Variants in ARHGAP24 observed in about 807,000 individuals in gnomAD.
ARHGAP24 encodes Rho GTPase activating protein 24.
Under a neutral mutation model 76.4 loss-of-function variants are expected in ARHGAP24, and 50 were observed. The ratio of observed to expected loss-of-function variants is 0.65; its 90% confidence interval spans 0.52 to 0.83. ARHGAP24 has a LOEUF of 0.83. ARHGAP24 is among the 40% of genes least tolerant of loss of function. ARHGAP24 has a pLI of 0.00. For synonymous variants in ARHGAP24, 345 were observed against 323.3 expected (o/e 1.07, Z -0.72); for missense variants, 930 against 914.2 (o/e 1.02, Z -0.22).
At chr4:85,553,594 A>G (rs1033303242) in intron 1 of ARHGAP24, among the ~76,000 whole-genome samples, 2 of 152,088 alleles carry the variant, frequency 1.3e-5, no homozygotes, top group African/African-American at 4.8e-5. Flanking sequence ...GTGCATTTAC[A>G]AACCTTTAGC....
intron 3 of ARHGAP24, among the ~76,000 whole-genome samples, chr4:85,799,289 A>C (rs1003072893): frequency 6.6e-6 from 1 of 152,112 alleles, no homozygotes; most frequent in Admixed American, 6.5e-5. Context: ...CACCTTGTGT[A>C]CCAGATTTTA....
At chr4:85,737,208 AC>A (rs1189425548) in intron 3 of ARHGAP24, among the ~76,000 whole-genome samples, 1 of 151,934 alleles carries the variant, frequency 6.6e-6, no homozygotes, top group Non-Finnish European at 1.5e-5. Context: ...GTCATAAGTG[AC>A]CCCTCTCCCC....
At chr4:85,623,328 T>C (rs1394731515) in intron 2 of ARHGAP24, among the ~76,000 whole-genome samples, 1 of 152,220 alleles carries the variant, frequency 6.6e-6, no homozygotes, top group Non-Finnish European at 1.5e-5. Flanking sequence ...TAGCCAGTTT[T>C]CCCAGCACCA....
intron 2 of ARHGAP24, among the ~76,000 whole-genome samples, chr4:85,652,506 A>G (rs1352942233): frequency 6.6e-6 from 1 of 152,198 alleles, no homozygotes; most frequent in Non-Finnish European, 1.5e-5. Flanking sequence ...TTTGACCCAG[A>G]CAAACATTTT....
intron 3 of ARHGAP24, among the ~76,000 whole-genome samples, chr4:85,868,343 C>T (rs1298407791): frequency 6.6e-6 from 1 of 152,042 alleles, no homozygotes; most frequent in Non-Finnish European, 1.5e-5. Flanking sequence ...ATAGATGGCA[C>T]ATGTTTTCTA....
At chr4:85,972,259 T>A (rs1483128197) in intron 6 of ARHGAP24, 91 bp downstream of exon 6, 4 of 1,538,958 alleles carry the variant, frequency 2.6e-6, no homozygotes, top group Non-Finnish European at 2.7e-6. Context: ...CATTGCCCTA[T>A]CCCGGTGTTA....
chr4:85,828,020 G>A (rs1399586049), intron 3 of ARHGAP24: 1 of 1,256,312 alleles, frequency 8.0e-7, no homozygotes, highest in South Asian at 1.2e-5. Flanking sequence ...CAAATTGCCA[G>A]GTATTGTTGT....
In ARHGAP24 at chr4:85,829,992, G is replaced by A. The variant is rs28421282; in HGVS notation, c.269-93656G>A. ...TTAGAGAATTTAGGTACTGACCTCA[G>A]AGCACATGCCAGTCTGTTCAAACAC... On this transcript the variant is annotated intron_variant, in intron 3 of 9. Transcript: ENST00000395184. Among the ~76,000 whole-genome samples, 1,501 of 152,336 alleles carry A rather than the reference G, an allele frequency of 9.9e-3. 22 individuals are homozygous for A. The highest frequency in any genetic ancestry group is 0.034 in the African/African-American group (1,412 of 41,562).
At chr4:85,573,036 C>T (rs1459192715) in intron 2 of ARHGAP24, among the ~76,000 whole-genome samples, 1 of 151,694 alleles carries the variant, frequency 6.6e-6, no homozygotes, top group Non-Finnish European at 1.5e-5. Context: ...GCCACCACAC[C>T]CGGCTAATTT....
intron 3 of ARHGAP24, among the ~76,000 whole-genome samples, chr4:85,842,217 T>C (rs1730635516): frequency 1.3e-5 from 2 of 152,208 alleles, no homozygotes; most frequent in South Asian, 4.1e-4. Context: ...AAGTAGTAGA[T>C]GGGAGTTTAA....
At chr4:85,938,799 C>T (rs1015828058) in intron 4 of ARHGAP24, among the ~76,000 whole-genome samples, 1 of 151,940 alleles carries the variant, frequency 6.6e-6, no homozygotes, top group African/African-American at 2.4e-5. Context: ...GGGCAGCATG[C>T]TCATTGAAGC....
intron 3 of ARHGAP24, among the ~76,000 whole-genome samples, chr4:85,921,712 C>T (rs997578980): frequency 3.9e-5 from 6 of 152,132 alleles, no homozygotes; most frequent in Admixed American, 1.3e-4. Flanking sequence ...CTGGGCCCCA[C>T]AGTAGGAGGT....
At chr4:85,910,819 C>T (rs1848917) in intron 3 of ARHGAP24, among the ~76,000 whole-genome samples, 45,394 of 151,882 alleles carry the variant, frequency 0.3, 6,930 homozygotes, top group South Asian at 0.43. Context: ...CACAAGTTCC[C>T]ACTCCTGTCC....
At chr4:85,519,586 G>C (rs997105375) in intron 1 of ARHGAP24, among the ~76,000 whole-genome samples, 5 of 152,068 alleles carry the variant, frequency 3.3e-5, no homozygotes, top group African/African-American at 1.2e-4. Context: ...CATAAAATTA[G>C]ATCTCAACAA....
intron 3 of ARHGAP24, among the ~76,000 whole-genome samples, chr4:85,878,436 T>C (rs1733056978): frequency 6.6e-6 from 1 of 152,210 alleles, no homozygotes; most frequent in African/African-American, 2.4e-5. Flanking sequence ...TTTTTAGTGT[T>C]ACAATTAATA....
At chr4:85,941,568 A>G (rs1431237889) in intron 4 of ARHGAP24, among the ~76,000 whole-genome samples, 1 of 152,230 alleles carries the variant, frequency 6.6e-6, no homozygotes, top group Non-Finnish European at 1.5e-5. Context: ...TCCTGGTTTT[A>G]TCACCATGAT....
At chr4:85,583,901 C>A (rs1727726192) in intron 2 of ARHGAP24, among the ~76,000 whole-genome samples, 1 of 103,836 alleles carries the variant, frequency 9.6e-6, no homozygotes, top group South Asian at 4.9e-4. Flanking sequence ...GATACCATCT[C>A]ACACCAGTTA....
At chr4:85,619,144 T>C (rs1264537095) in intron 2 of ARHGAP24, among the ~76,000 whole-genome samples, 1 of 152,090 alleles carries the variant, frequency 6.6e-6, no homozygotes, top group Admixed American at 6.5e-5. Flanking sequence ...TTTTTGTATA[T>C]AGTGTAAGAT....
At chr4:85,958,721 A>AT (rs1738066212) in intron 5 of ARHGAP24, among the ~76,000 whole-genome samples, 1 of 152,212 alleles carries the variant, frequency 6.6e-6, no homozygotes, top group East Asian at 1.9e-4. Context: ...AATCCTAGTG[A>AT]TTTTTAGCAA....
Sources: allele counts gnomAD v4.1 joint callset (sites outside exome capture counted in the v4.1 genomes callset), GRCh38; gene constraint gnomAD v4.1.1; transcripts MANE v1.5; gene names NCBI Gene and HGNC (gene_info 2026-07-23, HGNC 2026-07-21).